The following AGMO variants were observed in gnomAD, a reference collection of about 807,000 sequenced individuals.
AGMO encodes the protein glyceryl-ether monooxygenase.
AGMO carries 75 observed loss-of-function variants against 60.2 expected under a neutral mutation model. The observed-to-expected ratio is 1.25, with a 90% confidence interval of 1.03 to 1.51. The LOEUF (loss-of-function observed/expected upper bound fraction) is 1.51. Among genes scored for constraint, AGMO ranks in the 40% most tolerant of loss-of-function variants. The pLI, the probability that AGMO is intolerant of heterozygous loss-of-function variation, is 0.00. For missense variants in AGMO, 763 were observed against 525.5 expected (o/e 1.45, Z -4.42); for synonymous variants, 261 against 177.1 (o/e 1.47, Z -3.76).
At chr7:15,226,461 C>T (rs918260252) in intron 12 of AGMO, among the ~76,000 whole-genome samples, 3 of 152,002 alleles carry the variant, frequency 2.0e-5, no homozygotes, top group African/African-American at 7.2e-5. Flanking sequence ...ATAGTAGATA[C>T]AAAATCAGTT....
At chr7:15,398,782 A>G (rs1784476791) in intron 5 of AGMO, among the ~76,000 whole-genome samples, 2 of 152,110 alleles carry the variant, frequency 1.3e-5, no homozygotes, top group South Asian at 2.1e-4. Context: ...CTTCAATATA[A>G]CATAGTCCAA....
intron 10 of AGMO, among the ~76,000 whole-genome samples, chr7:15,382,742 A>C (rs915334197): frequency 7.2e-5 from 11 of 152,112 alleles, no homozygotes; most frequent in Non-Finnish European, 1.5e-4. Context: ...ATTCCGGACA[A>C]ATTTAATTGA....
intron 12 of AGMO, among the ~76,000 whole-genome samples, chr7:15,325,588 C>A (rs1037606470): frequency 6.6e-6 from 1 of 151,904 alleles, no homozygotes; most frequent in African/African-American, 2.4e-5. Context: ...CACATCAGGC[C>A]TTTAAAATAT....
intron 3 of AGMO, among the ~76,000 whole-genome samples, chr7:15,489,150 T>C (rs1449146151): frequency 6.6e-6 from 1 of 152,172 alleles, no homozygotes; most frequent in Non-Finnish European, 1.5e-5. Flanking sequence ...CTCTTAAACA[T>C]GTTCAACATA....
At chr7:15,453,028 A>G (rs1277231656) in intron 3 of AGMO, among the ~76,000 whole-genome samples, 1 of 152,186 alleles carries the variant, frequency 6.6e-6, no homozygotes, top group African/African-American at 2.4e-5. Context: ...GCAACTCCAC[A>G]AAGACAGAAA....
intron 12 of AGMO, among the ~76,000 whole-genome samples, chr7:15,289,155 G>GCAAT (rs1784185433): frequency 6.6e-6 from 1 of 151,454 alleles, no homozygotes; most frequent in Non-Finnish European, 1.5e-5. Flanking sequence ...CATACATAAA[G>GCAAT]CAATTTACTT....
At chr7:15,529,025 A>G (rs1220730888) in intron 3 of AGMO, among the ~76,000 whole-genome samples, 1 of 152,140 alleles carries the variant, frequency 6.6e-6, no homozygotes, top group Non-Finnish European at 1.5e-5. Flanking sequence ...TCAACTTAAA[A>G]GACACAAAAA....
intron 3 of AGMO, among the ~76,000 whole-genome samples, chr7:15,442,562 C>A (rs1265977541): frequency 2.0e-5 from 3 of 152,136 alleles, no homozygotes; most frequent in African/African-American, 7.2e-5. Context: ...TATTTACTAA[C>A]TGAATTGATT....
intron 12 of AGMO, among the ~76,000 whole-genome samples, chr7:15,245,265 T>C (rs1211658525): frequency 6.6e-6 from 1 of 152,176 alleles, no homozygotes; most frequent in Non-Finnish European, 1.5e-5. Context: ...ATTCCCAATG[T>C]CGTCATCACT....
intron 12 of AGMO, among the ~76,000 whole-genome samples, chr7:15,277,036 G>A (rs968059381): frequency 6.6e-6 from 1 of 151,874 alleles, no homozygotes; most frequent in African/African-American, 2.4e-5. Context: ...TGCTGGGTGT[G>A]GTGGCGCACA....
chr7:15,366,824 A>T (rs896733228), intron 10 of AGMO, among the ~76,000 whole-genome samples: 17 of 152,056 alleles, frequency 1.1e-4, no homozygotes, highest in African/African-American at 4.1e-4. Context: ...AACTAAATTA[A>T]AACTTACTGA....
the AGMO span, among the ~76,000 whole-genome samples, chr7:15,190,331 GAAT>G: frequency 2.9e-4 from 43 of 150,818 alleles, no homozygotes; most frequent in South Asian, 6.3e-4. Flanking sequence ...TCTTCCAAAA[GAAT>G]AAAAGGAAGG....
intron 6 of AGMO, among the ~76,000 whole-genome samples, chr7:15,393,310 G>A (rs556321237): frequency 8.5e-4 from 130 of 152,146 alleles, no homozygotes; most frequent in Non-Finnish European, 1.6e-3. Context: ...GAAACTTATA[G>A]AAACAGAACA....
chr7:15,369,606 T>C (rs984329248), intron 10 of AGMO, among the ~76,000 whole-genome samples: 1 of 152,150 alleles, frequency 6.6e-6, no homozygotes, highest in Non-Finnish European at 1.5e-5. Flanking sequence ...AAAATAGTAC[T>C]TCTCCATAAC....
chr7:15,367,140 T>C (rs1018217017), intron 10 of AGMO, among the ~76,000 whole-genome samples: 11 of 152,112 alleles, frequency 7.2e-5, no homozygotes, highest in African/African-American at 2.2e-4. Context: ...CTTTAAATAT[T>C]TGTCTCAATT....
At position 15,436,286 on chromosome 7, in the gene AGMO, C is replaced by A. The variant is rs578123007; in HGVS notation, c.410-5178G>T. Among the ~76,000 whole-genome samples, 154 of 150,528 alleles carry A rather than the reference C, an allele frequency of 1.0e-3. 1 individual carries two copies. Among genetic ancestry groups the A allele is most frequent in the Admixed American group, 3.4e-3 (51 of 15,048 alleles). On this transcript the variant is annotated intron_variant, in intron 3 of 12. Transcript: ENST00000342526. ...AAACAGGAATTTATTTTTCACAGTC[C>A]CTGTGCAAGTCCAAGATCAAGGCAC...
At chr7:15,312,081 G>A (rs1035241839) in intron 12 of AGMO, among the ~76,000 whole-genome samples, 4 of 151,914 alleles carry the variant, frequency 2.6e-5, no homozygotes, top group Admixed American at 1.3e-4. Flanking sequence ...ATGAGACAGG[G>A]AGAGAGAGAA....
rs560437862 is a variant in AGMO at position 15,265,980 on chromosome 7, C to T, written c.1264-64621G>A. 3.9e-5 allele frequency among the ~76,000 whole-genome samples: 6 copies of T among 152,116 alleles called. No individual in the cohort carries two copies. In the East Asian group the frequency reaches 1.2e-3, roughly 30 times the overall value. ...AGGCAATACATTCTGATGTATGCTA[C>T]AATATGGATGACCCTTGGTGACATT... is the stretch of plus-strand genomic sequence containing the variant. On this transcript the variant is annotated intron_variant, in intron 12 of 12. Transcript: ENST00000342526.
chr7:15,248,257 A>G (rs1782826485), intron 12 of AGMO, among the ~76,000 whole-genome samples: 1 of 126,420 alleles, frequency 7.9e-6, no homozygotes, highest in African/African-American at 2.8e-5. Flanking sequence ...AAAAATAATT[A>G]TTTTCTTTCT....
Sources: allele counts gnomAD v4.1 joint callset (sites outside exome capture counted in the v4.1 genomes callset), GRCh38; gene constraint gnomAD v4.1.1; transcripts MANE v1.5; gene names NCBI Gene and HGNC (gene_info 2026-07-23, HGNC 2026-07-21).